The following ZHX2 variants were observed in gnomAD, a reference collection of about 807,000 sequenced individuals.
ZHX2 encodes zinc fingers and homeoboxes protein 2.
ZHX2 carries 6 observed loss-of-function variants against 21.9 expected under a neutral mutation model. That is an observed-to-expected ratio of 0.27 (90% CI 0.15 to 0.54). The LOEUF is 0.54. ZHX2 is among the 20% of genes least tolerant of loss of function. The probability of loss-of-function intolerance (pLI) is 0.95; values close to 1 mark genes in which losing one functional copy is unlikely to be tolerated. For synonymous variants in ZHX2, 434 were observed against 437.1 expected, an observed-to-expected ratio of 0.99 and a Z score of 0.09; for missense variants, 908 against 1,090.7, an observed-to-expected ratio of 0.83 and a Z score of 2.36.
chr8:122,796,259 A>G (rs1817611883), intron 1 of ZHX2, among the ~76,000 whole-genome samples: 1 of 151,888 alleles, frequency 6.6e-6, no homozygotes, highest in East Asian at 1.9e-4. Flanking sequence ...GATTTTGCTT[A>G]TGAGAGACCA....
chr8:122,865,616 C>G (rs541381067), intron 2 of ZHX2, among the ~76,000 whole-genome samples: 12 of 152,198 alleles, frequency 7.9e-5, no homozygotes, highest in Non-Finnish European at 1.6e-4. Context: ...GATTCCCATC[C>G]CAGCCCTTCC....
intron 3 of ZHX2, among the ~76,000 whole-genome samples, chr8:122,955,839 ATTTTTTTTTT>A (rs540333833): frequency 9.5e-6 from 1 of 104,924 alleles, no homozygotes; most frequent in African/African-American, 4.2e-5. Context: ...TGAGGGAGTG[ATTTTTTTTTT>A]TTTTTTTTTT....
At chr8:122,919,651 A>G (rs186086680) in intron 2 of ZHX2, among the ~76,000 whole-genome samples, 3 of 152,284 alleles carry the variant, frequency 2.0e-5, no homozygotes, top group East Asian at 1.9e-4. Context: ...TTCTGCATCT[A>G]TTGTCTCATT....
At chr8:122,792,327 A>G (rs1449606044) in intron 1 of ZHX2, among the ~76,000 whole-genome samples, 1 of 152,006 alleles carries the variant, frequency 6.6e-6, no homozygotes, top group Admixed American at 6.6e-5. Context: ...GTTTCCTTTT[A>G]TATCCTGTTG....
intron 2 of ZHX2, among the ~76,000 whole-genome samples, chr8:122,903,449 C>T (rs1820276344): frequency 6.6e-6 from 1 of 152,172 alleles, no homozygotes; most frequent in Non-Finnish European, 1.5e-5. Flanking sequence ...AAATCCTGAA[C>T]TGGGTGTCCA....
intron 2 of ZHX2, among the ~76,000 whole-genome samples, chr8:122,930,947 G>A (rs1820974998): frequency 8.0e-6 from 1 of 125,714 alleles, no homozygotes; most frequent in Admixed American, 8.7e-5. Context: ...CCCTTTTTCG[G>A]CCCAAAGCTG....
intron 1 of ZHX2, among the ~76,000 whole-genome samples, chr8:122,814,037 T>C (rs1161868425): frequency 3.9e-5 from 6 of 152,216 alleles, no homozygotes; most frequent in South Asian, 2.1e-4. Flanking sequence ...ATACTACTGA[T>C]AAATTTCACA....
At chr8:122,781,096 A>C (rs1235743397), upstream of ZHX2, 1 of 152,002 alleles carries the variant, frequency 6.6e-6, no homozygotes, top group African/African-American at 2.4e-5. This position sits in a 1 kb window ranked among gnomAD's most constrained non-coding sequence, Gnocchi z 4.6. Flanking sequence ...CGTTATTATT[A>C]TTTTCCTGAG....
At chr8:122,915,578 G>C (rs1056314274) in intron 2 of ZHX2, among the ~76,000 whole-genome samples, 1 of 152,188 alleles carries the variant, frequency 6.6e-6, no homozygotes, top group African/African-American at 2.4e-5. Context: ...TTCTGCTTTT[G>C]ATTCCTTGGC....
intron 1 of ZHX2, among the ~76,000 whole-genome samples, chr8:122,795,177 G>T (rs780952616): frequency 4.6e-5 from 7 of 152,252 alleles, no homozygotes; most frequent in Non-Finnish European, 1.0e-4. Context: ...ATGCTCCTGG[G>T]TTGGCACAGG....
intron 2 of ZHX2, among the ~76,000 whole-genome samples, chr8:122,903,941 A>G (rs1214266161): frequency 6.6e-6 from 1 of 152,194 alleles, no homozygotes. Context: ...ACTGAGTACA[A>G]CTAAAAACCT....
chr8:122,898,281 T>C (rs1406496017), intron 2 of ZHX2, among the ~76,000 whole-genome samples: 1 of 152,112 alleles, frequency 6.6e-6, no homozygotes, highest in Non-Finnish European at 1.5e-5. Context: ...AAATTGGGGA[T>C]GAGGAAAGAG....
chr8:122,884,816 C>T (rs1819802536), intron 2 of ZHX2, among the ~76,000 whole-genome samples: 1 of 152,162 alleles, frequency 6.6e-6, no homozygotes, highest in Non-Finnish European at 1.5e-5. Context: ...TCCAGTCCTT[C>T]ACAATTCTAC....
chr8:122,879,474 G>A (rs1481599259), intron 2 of ZHX2, among the ~76,000 whole-genome samples: 2 of 151,312 alleles, frequency 1.3e-5, no homozygotes, highest in African/African-American at 2.4e-5. Context: ...CAAAGTGCTG[G>A]GATTATAGGT....
At chr8:122,799,764 C>T (rs764863677) in intron 1 of ZHX2, among the ~76,000 whole-genome samples, 2 of 152,206 alleles carry the variant, frequency 1.3e-5, no homozygotes, top group East Asian at 1.9e-4. Flanking sequence ...CCCAGATTCT[C>T]GAGGAGAGTC....
intron 2 of ZHX2, among the ~76,000 whole-genome samples, chr8:122,890,438 A>G (rs1307419028): frequency 6.6e-6 from 1 of 152,028 alleles, no homozygotes. Context: ...CTTTTGCTAC[A>G]TGGGGTCTTT....
In ZHX2 at chr8:122,875,132, TATATA is replaced by T. The variant is rs1819534613; in HGVS notation, c.-220+11594_-220+11598del. 6.5e-4 allele frequency among the ~76,000 whole-genome samples: 63 copies of T among 96,728 alleles called. 7 individuals are homozygous for T. Among genetic ancestry groups the T allele is most frequent in the African/African-American group, 2.0e-3 (49 of 24,208 alleles). The allele number at this position is 96,728 out of a possible 152,430, so 63.5% of individuals were successfully genotyped here. On this transcript the variant is annotated intron_variant, in intron 2 of 3. Transcript: ENST00000314393. ...TTTTAGAGGAAGGAAAACTCTGTTA[TATATA>T]TATATATATATATATATATATATAT...
chr8:122,873,233 T>G (rs1267433713), intron 2 of ZHX2, among the ~76,000 whole-genome samples: 2 of 152,202 alleles, frequency 1.3e-5, no homozygotes, highest in Non-Finnish European at 2.9e-5. Flanking sequence ...GCAGACTCAG[T>G]GGGGAGCACT....
chr8:122,866,891 C>T (rs1170130258), intron 2 of ZHX2, among the ~76,000 whole-genome samples: 4 of 152,276 alleles, frequency 2.6e-5, no homozygotes, highest in Admixed American at 6.5e-5. Context: ...GTGGCACGAT[C>T]GCAGCTCACT....
Sources: allele counts gnomAD v4.1 joint callset (sites outside exome capture counted in the v4.1 genomes callset), GRCh38; gene constraint gnomAD v4.1.1; non-coding constraint Gnocchi (gnomAD v3.1); transcripts MANE v1.5; gene names NCBI Gene and HGNC (gene_info 2026-07-23, HGNC 2026-07-21).